The following ADAMTS18 variants were observed in gnomAD, a reference collection of about 807,000 sequenced individuals.
ADAMTS18 encodes A disintegrin and metalloproteinase with thrombospondin motifs 18.
Under a neutral mutation model 165.9 loss-of-function variants are expected in ADAMTS18, and 157 were observed. The observed-to-expected ratio is 0.95, with a 90% CI of 0.83 to 1.08. The LOEUF (loss-of-function observed/expected upper bound fraction) is 1.08, where lower values mean the gene tolerates loss of function less well. Ranked by LOEUF, ADAMTS18 falls within the 50% of genes least tolerant of loss-of-function variation. ADAMTS18 has a pLI of 0.00. For synonymous variants in ADAMTS18, 782 were observed against 578.2 expected (o/e 1.35, Z -5.06); for missense variants, 2,040 against 1,534.0 (o/e 1.33, Z -5.51).
intron 3 of ADAMTS18, among the ~76,000 whole-genome samples, chr16:77,424,619 C>G (rs1439497781): frequency 6.6e-6 from 1 of 152,158 alleles, no homozygotes; most frequent in African/African-American, 2.4e-5. Context: ...TTTGATCTGG[C>G]ATTTTGCTTC....
At chr16:77,343,511 G>T (rs940655909) in intron 10 of ADAMTS18, among the ~76,000 whole-genome samples, 5 of 152,206 alleles carry the variant, frequency 3.3e-5, no homozygotes, top group African/African-American at 1.2e-4. Flanking sequence ...GGTGGAAACT[G>T]AACTAATTCT....
Position 77,293,201 on chromosome 16 carries a change from C to T in ADAMTS18, c.3064G>A (p.Ala1022Thr). 6.2e-7 allele frequency: 1 copy of T among 1,614,044 alleles called. No homozygotes were observed. Among genetic ancestry groups the T allele is most frequent in the Non-Finnish European group, 8.5e-7 (1 of 1,179,986 alleles). The stretch of plus-strand genomic sequence containing the variant: ...TGGCTCTCGGGGAGGGTTTCTGCGG[C>T]AGAGCCCTTGCAGAGGAGTTCACGC... Reference protein sequence around the residue: ...RKRELLCKGSAAETLPESQCT... With the variant: ...RKRELLCKGSTAETLPESQCT... The change falls in exon 20 of 23, where the codon GCC (alanine) becomes ACC (threonine). Residue 1022 changes from alanine (A) to threonine (T), a missense_variant. By Grantham distance (58) the Ala-to-Thr change is moderately conservative. Coordinates refer to ENST00000282849, the MANE Select transcript of ADAMTS18 (RefSeq NM_199355.4).
intron 14 of ADAMTS18, among the ~76,000 whole-genome samples, chr16:77,321,657 A>G (rs529076399): frequency 1.3e-3 from 204 of 152,322 alleles, no homozygotes; most frequent in African/African-American, 4.9e-3. Flanking sequence ...GTATTTCAAA[A>G]TACATTTGTG....
At chr16:77,416,943 GA>G (rs1205877965) in intron 3 of ADAMTS18, among the ~76,000 whole-genome samples, 2 of 152,178 alleles carry the variant, frequency 1.3e-5, no homozygotes, top group Non-Finnish European at 2.9e-5. Context: ...TGGGAGCAAT[GA>G]AGTTTACATG....
intron 3 of ADAMTS18, among the ~76,000 whole-genome samples, chr16:77,375,621 G>A (rs2056939354): frequency 6.6e-6 from 1 of 152,190 alleles, no homozygotes; most frequent in African/African-American, 2.4e-5. Flanking sequence ...CAGGAAGAAA[G>A]CAGAGACCAA....
intron 14 of ADAMTS18, 81 bp downstream of exon 14, chr16:77,322,255 C>T: frequency 2.6e-6 from 4 of 1,521,618 alleles, no homozygotes; most frequent in Non-Finnish European, 2.7e-6. Context: ...CACACAATCT[C>T]TCACACCACT....
intron 3 of ADAMTS18, among the ~76,000 whole-genome samples, chr16:77,377,262 T>G (rs1335045514): frequency 6.6e-6 from 1 of 152,222 alleles, no homozygotes; most frequent in Non-Finnish European, 1.5e-5. Context: ...AAAGGGAGAC[T>G]GCAGCCTCCA....
rs565715156 is a variant in ADAMTS18, at chr16:77,341,420, T to G, written c.1710+284A>C. On this transcript the variant is annotated intron_variant, in intron 11 of 22. Coordinates refer to ENST00000282849, the MANE Select transcript of ADAMTS18 (RefSeq NM_199355.4). ...CCACAAGTTTAAAAGGAAAATGGTA[T>G]GCAATGAAACCTGTAAGCTCATTGA... Among the ~76,000 whole-genome samples, 29 of 152,150 alleles carry G rather than the reference T, an allele frequency of 1.9e-4. 1 individual carries two copies. The South Asian group carries it at 6.0e-3, about 32-fold the overall frequency.
At chr16:77,323,743 T>C (rs12599022) in intron 13 of ADAMTS18, among the ~76,000 whole-genome samples, 13,252 of 152,214 alleles carry the variant, frequency 0.087, 789 homozygotes, top group East Asian at 0.27. Flanking sequence ...GTCAGTCTCC[T>C]CTGATATAAG....
chr16:77,401,086 T>C (rs1202257187), intron 3 of ADAMTS18, among the ~76,000 whole-genome samples: 2 of 151,904 alleles, frequency 1.3e-5, no homozygotes, highest in South Asian at 4.2e-4. Context: ...AGAAACCACG[T>C]CTCTACTAAA....
At chr16:77,377,623 G>T (rs2056971664) in intron 3 of ADAMTS18, among the ~76,000 whole-genome samples, 1 of 152,260 alleles carries the variant, frequency 6.6e-6, no homozygotes, top group Non-Finnish European at 1.5e-5. Flanking sequence ...GTACAAAGTA[G>T]CCCCAGTAGG....
At chr16:77,396,827 G>A (rs1328970309) in intron 3 of ADAMTS18, among the ~76,000 whole-genome samples, 1 of 146,534 alleles carries the variant, frequency 6.8e-6, no homozygotes, top group East Asian at 2.0e-4. Context: ...AATTTTTTGA[G>A]ACACAGTCTC....
At chr16:77,367,931 C>G (rs1446649414) in intron 3 of ADAMTS18, among the ~76,000 whole-genome samples, 3 of 152,176 alleles carry the variant, frequency 2.0e-5, no homozygotes, top group African/African-American at 7.2e-5. Flanking sequence ...AGCTGGAGAG[C>G]AGTGGCACAA....
At chr16:77,299,050 C>A (rs1301608661) in intron 17 of ADAMTS18, among the ~76,000 whole-genome samples, 1 of 152,198 alleles carries the variant, frequency 6.6e-6, no homozygotes, top group Non-Finnish European at 1.5e-5. Context: ...TGTGCTCTCC[C>A]TGGAATACCA....
At chr16:77,380,846 C>G (rs1175444539) in intron 3 of ADAMTS18, among the ~76,000 whole-genome samples, 1 of 151,960 alleles carries the variant, frequency 6.6e-6, no homozygotes, top group Non-Finnish European at 1.5e-5. Flanking sequence ...CACTGCAGCT[C>G]TATTTGTTTT....
chr16:77,316,201 A>G (rs2650901), intron 16 of ADAMTS18, among the ~76,000 whole-genome samples: 43,700 of 151,398 alleles, frequency 0.29, 8,166 homozygotes, highest in Non-Finnish European at 0.42. Context: ...CCATTTTCCT[A>G]TTTCCCCAGT....
At position 77,325,969 on chromosome 16, in the gene ADAMTS18, G is replaced by A. The variant is rs2056088338; in HGVS notation, c.1929C>T (p.Cys643=). 3.7e-6 allele frequency: 6 copies of A among 1,613,978 alleles called. No individual in the cohort carries two copies. In the East Asian group the frequency reaches 1.3e-4, roughly 36 times the overall value. The change falls in exon 13 of 23, where the codon TGC becomes TGT. Residue 643 remains cysteine (C), a synonymous_variant. Transcript: ENST00000282849. ...RIYQLCNINP[C]NENSLDFRAQ... The stretch of plus-strand genomic sequence containing the variant: ...CCCGAAAATCCAAGCTATTTTCATT[G>A]CAAGGGTTAATATTGCACAGCTGAT...
chr16:77,381,079 G>A (rs1361512276), intron 3 of ADAMTS18, among the ~76,000 whole-genome samples: 7 of 152,018 alleles, frequency 4.6e-5, no homozygotes, highest in African/African-American at 1.7e-4. Flanking sequence ...TCACCATGTT[G>A]GTCAGGCTGG....
In ADAMTS18 at chr16:77,364,019, A is replaced by T. The variant is rs947474086; in HGVS notation, c.973-134T>A. 8 of 1,251,920 alleles carry T rather than the reference A, an allele frequency of 6.4e-6. No homozygotes were observed. The African/African-American group carries it at 1.2e-4, about 19-fold the overall frequency. The allele number at this position is 1,251,920 out of a possible 1,614,324, so 77.6% of individuals were successfully genotyped here. ...TGTACATATAAATACAATTTCCTCA[A>T]AACTCAACTTAAAAAAATAAAACCA... is the stretch of plus-strand genomic sequence containing the variant. On this transcript the variant is annotated intron_variant, in intron 5 of 22. Coordinates refer to ENST00000282849, the MANE Select transcript of ADAMTS18 (RefSeq NM_199355.4).
Sources: allele counts gnomAD v4.1 joint callset (sites outside exome capture counted in the v4.1 genomes callset), GRCh38; gene constraint gnomAD v4.1.1; transcripts MANE v1.5; gene names NCBI Gene and HGNC (gene_info 2026-07-23, HGNC 2026-07-21).